Variants in GNB1L observed in about 807,000 individuals in gnomAD.
GNB1L encodes the protein G protein subunit beta 1 like.
Under a neutral mutation model 29.1 loss-of-function variants are expected in GNB1L, and 20 were observed. The ratio of observed to expected loss-of-function variants is 0.69; its 90% CI spans 0.48 to 1.00. GNB1L has a LOEUF of 1.00. Among genes scored for constraint, GNB1L ranks in the 50% least tolerant of loss-of-function variants. The probability of loss-of-function intolerance (pLI) is 0.00; values close to 1 mark genes in which losing one functional copy is unlikely to be tolerated. For missense variants in GNB1L, 421 were observed against 464.9 expected, an observed-to-expected ratio of 0.91 and a Z score of 0.87; for synonymous variants, 193 against 206.5, an observed-to-expected ratio of 0.93 and a Z score of 0.56.
chr22:19,797,345 G>A (rs576544546), intron 7 of GNB1L, among the ~76,000 whole-genome samples: 36 of 151,982 alleles, frequency 2.4e-4, no homozygotes, highest in African/African-American at 6.0e-4. Flanking sequence ...ACACACGGGA[G>A]GGGGGGTGGG....
intron 2 of GNB1L, among the ~76,000 whole-genome samples, chr22:19,822,879 C>T (rs1195949588): frequency 6.6e-6 from 1 of 152,210 alleles, no homozygotes; most frequent in Non-Finnish European, 1.5e-5. Context: ...CTGCCTCTCC[C>T]CTTCTGAATA....
At chr22:19,796,460 G>A (rs1465877299) in intron 7 of GNB1L, among the ~76,000 whole-genome samples, 10 of 152,258 alleles carry the variant, frequency 6.6e-5, no homozygotes, top group South Asian at 2.1e-4. Context: ...GGACGGCCCC[G>A]CATTTCAAAG....
intron 2 of GNB1L, chr22:19,852,450 G>A: frequency 1.6e-6 from 1 of 624,138 alleles, no homozygotes; most frequent in Non-Finnish European, 2.8e-6. Context: ...GAGAAGAGCT[G>A]AGAGACTGTC....
At chr22:19,850,823 G>C in intron 2 of GNB1L, 2 of 1,295,542 alleles carry the variant, frequency 1.5e-6, no homozygotes, top group African/African-American at 1.5e-5. Context: ...GTGTTTTATG[G>C]GGGTGGAGGT....
chr22:19,848,296 A>C lies in GNB1L; in HGVS notation c.-21+6147T>G, dbSNP rs74410281. On this transcript the variant is annotated intron_variant, in intron 2 of 7. Transcript: ENST00000329517. ...CCAGCACCATGGCCCGTCCCTGAGCATGTCCAGCAAACCCTGCCAGGCTCT... is the reference window on the plus strand; with the variant it reads ...CCAGCACCATGGCCCGTCCCTGAGCCTGTCCAGCAAACCCTGCCAGGCTCT... The C allele has an allele frequency of 2.6e-3, 2,564 of 985,456 alleles. 51 individuals carry two copies. In the African/African-American group the frequency reaches 0.042, roughly 16 times the overall value. The allele number at this position is 985,456 out of a possible 1,614,324, so 61.0% of individuals were successfully genotyped here. A position where few individuals can be genotyped will look rare whatever the true frequency, so the allele number is the denominator to read the frequency against.
chr22:19,842,708 G>A (rs1005619574), intron 2 of GNB1L, among the ~76,000 whole-genome samples: 6 of 152,224 alleles, frequency 3.9e-5, no homozygotes, highest in Non-Finnish European at 5.9e-5. Context: ...CGGCCACAAA[G>A]GACCAGAAAC....
At chr22:19,829,111 C>T (rs1012972737) in intron 2 of GNB1L, among the ~76,000 whole-genome samples, 1 of 152,200 alleles carries the variant, frequency 6.6e-6, no homozygotes, top group Non-Finnish European at 1.5e-5. Flanking sequence ...GGATTACAGG[C>T]ATGAGCCACC....
chr22:19,842,378 C>T (rs1937876695), intron 2 of GNB1L, among the ~76,000 whole-genome samples: 1 of 151,896 alleles, frequency 6.6e-6, no homozygotes, highest in South Asian at 2.1e-4. Flanking sequence ...GGGAGATCAG[C>T]GGGGAGTCAG....
intron 5 of GNB1L, among the ~76,000 whole-genome samples, chr22:19,808,008 C>T (rs946888806): frequency 6.6e-6 from 1 of 152,230 alleles, no homozygotes; most frequent in African/African-American, 2.4e-5. Flanking sequence ...ACCAGGGCCA[C>T]GGCGCTTCTT....
intron 5 of GNB1L, among the ~76,000 whole-genome samples, chr22:19,809,163 C>T (rs190545381): frequency 6.6e-6 from 1 of 151,804 alleles, no homozygotes; most frequent in Non-Finnish European, 1.5e-5. Flanking sequence ...TTAAAAACCC[C>T]CAAGACCATA....
At chr22:19,828,308 T>C (rs533692269) in intron 2 of GNB1L, among the ~76,000 whole-genome samples, 1 of 152,274 alleles carries the variant, frequency 6.6e-6, no homozygotes, top group South Asian at 2.1e-4. Flanking sequence ...CAAAAAGCAT[T>C]AGACTTGACA....
intron 2 of GNB1L, among the ~76,000 whole-genome samples, chr22:19,827,830 C>A (rs780224544): frequency 1.3e-5 from 2 of 152,190 alleles, no homozygotes; most frequent in Non-Finnish European, 2.9e-5. Flanking sequence ...TAGATAAACA[C>A]CCTGAAGAAA....
At chr22:19,798,669 C>A (rs1307153793) in intron 7 of GNB1L, among the ~76,000 whole-genome samples, 2 of 152,192 alleles carry the variant, frequency 1.3e-5, no homozygotes, top group East Asian at 3.9e-4. Flanking sequence ...GCGGCCACTG[C>A]CTGCAGGGAC....
At chr22:19,809,732 G>A (rs979441081) in intron 5 of GNB1L, among the ~76,000 whole-genome samples, 1 of 152,152 alleles carries the variant, frequency 6.6e-6, no homozygotes, top group Non-Finnish European at 1.5e-5. Flanking sequence ...CCCCGGGAGG[G>A]GATAAGGGAA....
chr22:19,837,212 C>T (rs868267241), intron 2 of GNB1L, among the ~76,000 whole-genome samples: 1 of 151,628 alleles, frequency 6.6e-6, no homozygotes, highest in Non-Finnish European at 1.5e-5. Flanking sequence ...GTGATCCACC[C>T]GCCTCGGCCT....
intron 2 of GNB1L, among the ~76,000 whole-genome samples, chr22:19,830,606 G>A (rs888148710): frequency 6.6e-6 from 1 of 152,138 alleles, no homozygotes; most frequent in African/African-American, 2.4e-5. Context: ...ACATAAAGAT[G>A]TCTCTTCTCC....
At chr22:19,843,096 T>C (rs1261526765) in intron 2 of GNB1L, among the ~76,000 whole-genome samples, 1 of 152,228 alleles carries the variant, frequency 6.6e-6, no homozygotes, top group East Asian at 1.9e-4. Context: ...AAGCGTCTAC[T>C]TTCTGAGGGG....
intron 2 of GNB1L, among the ~76,000 whole-genome samples, chr22:19,824,325 T>C (rs2145884729): frequency 6.6e-6 from 1 of 152,272 alleles, no homozygotes; most frequent in East Asian, 1.9e-4. Flanking sequence ...GGCCCCAGGC[T>C]GTGGAGCAAA....
chr22:19,838,927 T>C (rs879703478), intron 2 of GNB1L, among the ~76,000 whole-genome samples: 3 of 152,338 alleles, frequency 2.0e-5, no homozygotes, highest in African/African-American at 7.2e-5. Context: ...TATAATCTCC[T>C]AAAACAGAAA....
Sources: gnomAD v4.1 joint callset for allele counts (sites outside exome capture counted in the v4.1 genomes callset) on GRCh38, gnomAD v4.1.1 for gene constraint, MANE v1.5 for transcripts, NCBI Gene and HGNC (gene_info 2026-07-23, HGNC 2026-07-21) for gene names.